RRAS2: variants seen among roughly 807,000 people sequenced by gnomAD.
RRAS2 encodes ras-related protein R-Ras2.
In RRAS2, 7 loss-of-function variants were observed where a neutral mutation model predicts 27.6. That is an observed-to-expected ratio of 0.25 (90% CI 0.14 to 0.48). The LOEUF is 0.48. RRAS2 is among the 20% of genes least tolerant of loss of function. RRAS2 has a pLI of 0.99. For synonymous variants in RRAS2, 86 were observed against 90.9 expected (o/e 0.95, Z 0.31); for missense variants, 178 against 256.2 (o/e 0.69, Z 2.08).
intron 1 of RRAS2, among the ~76,000 whole-genome samples, chr11:14,304,996 T>A (rs1554947907): frequency 1.3e-5 from 2 of 152,228 alleles, no homozygotes; most frequent in Non-Finnish European, 2.9e-5. Context: ...TATATGTCTA[T>A]AATTTAATCC....
intron 1 of RRAS2, chr11:14,356,638 C>A: frequency 3.1e-6 from 1 of 322,692 alleles, no homozygotes. Flanking sequence ...GTCTGTAAGA[C>A]TCAAGGTTCA....
chr11:14,353,091 G>A (rs947954240), intron 1 of RRAS2, among the ~76,000 whole-genome samples: 2 of 152,038 alleles, frequency 1.3e-5, no homozygotes, highest in Admixed American at 6.5e-5. Context: ...GAGCCACCGT[G>A]CCCAGCTAAA....
chr11:14,294,735 A>C, intron 3 of RRAS2, 25 bp downstream of exon 3: 1 of 1,597,064 alleles, frequency 6.3e-7, no homozygotes. Flanking sequence ...AGAACAGTGG[A>C]TCTACATTCT....
intron 1 of RRAS2, among the ~76,000 whole-genome samples, chr11:14,311,239 G>A (rs1361797181): frequency 2.6e-5 from 4 of 152,148 alleles, no homozygotes; most frequent in African/African-American, 7.2e-5. Flanking sequence ...AGCTACTCTG[G>A]AGGCTGAGGC....
upstream of RRAS2, among the ~76,000 whole-genome samples, chr11:14,362,276 A>G (rs1408693890): frequency 2.6e-5 from 4 of 152,220 alleles, no homozygotes; most frequent in African/African-American, 9.6e-5. Flanking sequence ...GCAAGGTTTC[A>G]TTTGAACTGT....
rs1328009670 is a variant in RRAS2, at chr11:14,278,305, T to C, written c.*1032A>G. 1 of 152,252 alleles carries C rather than the reference T, an allele frequency of 6.6e-6. No homozygotes were observed. The highest frequency in any genetic ancestry group is 1.5e-5 in the Non-Finnish European group (1 of 68,040). The allele number at this position is 152,252 out of a possible 1,614,324, so 9.4% of individuals were successfully genotyped here. ...AGACCAGACCAGCAAGTAAAAGTTC[T>C]ACCACAGTTTCTGTAGTTTCCACTT... On this transcript the variant is annotated 3_prime_UTR_variant, in exon 6 of 6. Transcript: ENST00000256196.
At chr11:14,296,215 A>G (rs1407914960) in intron 1 of RRAS2, among the ~76,000 whole-genome samples, 1 of 151,896 alleles carries the variant, frequency 6.6e-6, no homozygotes, top group African/African-American at 2.4e-5. Flanking sequence ...AGAATAAAAA[A>G]TAAAATAAAA....
chr11:14,298,206 T>C (rs537711460), intron 1 of RRAS2, among the ~76,000 whole-genome samples: 113 of 152,352 alleles, frequency 7.4e-4, no homozygotes, highest in African/African-American at 2.3e-3. Flanking sequence ...CCATATGCCA[T>C]GCTTTTATAT....
At chr11:14,307,029 C>T (rs1847846105) in intron 1 of RRAS2, among the ~76,000 whole-genome samples, 1 of 151,624 alleles carries the variant, frequency 6.6e-6, no homozygotes, top group Admixed American at 6.6e-5. Flanking sequence ...AGTGTCTACC[C>T]AAAATACAAA....
At chr11:14,308,321 G>A (rs1173924490) in intron 1 of RRAS2, 1 of 445,204 alleles carries the variant, frequency 2.2e-6, no homozygotes, top group Non-Finnish European at 4.5e-6. Context: ...GAAAGACCTA[G>A]ACAGATTAAA....
chr11:14,361,945 A>G (rs1363437737), upstream of RRAS2, among the ~76,000 whole-genome samples: 2 of 152,238 alleles, frequency 1.3e-5, no homozygotes, highest in African/African-American at 2.4e-5. Context: ...TACAGCATGG[A>G]TAAACCTTGA....
chr11:14,354,823 C>G (rs1373114606), intron 1 of RRAS2, among the ~76,000 whole-genome samples: 24 of 151,756 alleles, frequency 1.6e-4, no homozygotes, highest in African/African-American at 5.8e-4. Flanking sequence ...ATTACAAGCA[C>G]GCACCAACAC....
chr11:14,328,995 G>GTT (rs1199335537), intron 1 of RRAS2, among the ~76,000 whole-genome samples: 1 of 53,766 alleles, frequency 1.9e-5, no homozygotes, highest in African/African-American at 4.9e-5. Flanking sequence ...ATGTGTGTGT[G>GTT]TGTGTGTGTG....
intron 1 of RRAS2, among the ~76,000 whole-genome samples, chr11:14,298,884 A>C (rs1554947033): frequency 6.6e-6 from 1 of 152,176 alleles, no homozygotes; most frequent in Non-Finnish European, 1.5e-5. Context: ...ATCACCTCTC[A>C]CCAAAAAGGC....
chr11:14,334,699 T>TAA (rs781802472), intron 1 of RRAS2, among the ~76,000 whole-genome samples: 1 of 146,766 alleles, frequency 6.8e-6, no homozygotes, highest in African/African-American at 2.5e-5. Flanking sequence ...TAGCGAGTGT[T>TAA]AAAAAAAAAA....
At chr11:14,283,183 T>C (rs1355952383) in intron 4 of RRAS2, among the ~76,000 whole-genome samples, 1 of 152,220 alleles carries the variant, frequency 6.6e-6, no homozygotes, top group Non-Finnish European at 1.5e-5. Flanking sequence ...GATTATATGA[T>C]TTCTCCTTTT....
At chr11:14,308,224 T>C (rs1212427542) in intron 1 of RRAS2, 3 of 429,220 alleles carry the variant, frequency 7.0e-6, no homozygotes, top group Admixed American at 2.8e-5. Flanking sequence ...TTTAACTGGG[T>C]TGCTAGGAGA....
At chr11:14,335,869 C>T (rs1848578891) in intron 1 of RRAS2, among the ~76,000 whole-genome samples, 2 of 152,188 alleles carry the variant, frequency 1.3e-5, no homozygotes, top group Admixed American at 6.5e-5. Context: ...AATGCTCTCT[C>T]TAGCTAAAGG....
At chr11:14,281,249 G>A (rs1591439375) in intron 5 of RRAS2, among the ~76,000 whole-genome samples, 1 of 152,288 alleles carries the variant, frequency 6.6e-6, no homozygotes, top group East Asian at 1.9e-4. Flanking sequence ...GGATAAAACA[G>A]TATTTAGTTT....
Sources: allele counts gnomAD v4.1 joint callset (sites outside exome capture counted in the v4.1 genomes callset), GRCh38; gene constraint gnomAD v4.1.1; transcripts MANE v1.5; gene names NCBI Gene and HGNC (gene_info 2026-07-23, HGNC 2026-07-21).